Variants in PLEKHH1 observed in about 807,000 individuals in gnomAD.
The protein encoded by PLEKHH1 is pleckstrin homology, MyTH4 and FERM domain containing H1, also known as pleckstrin homology domain-containing family H member 1.
PLEKHH1 carries 104 observed loss-of-function variants against 160.0 expected under a neutral mutation model. That is an observed-to-expected ratio of 0.65 (90% CI 0.55 to 0.76). PLEKHH1 has a LOEUF of 0.76. Ranked by LOEUF, PLEKHH1 falls within the 30% of genes least tolerant of loss-of-function variation. PLEKHH1 has a pLI of 0.00. For missense variants in PLEKHH1, 1,427 were observed against 1,724.1 expected, an observed-to-expected ratio of 0.83 and a Z score of 3.05; for synonymous variants, 619 against 678.4, an observed-to-expected ratio of 0.91 and a Z score of 1.36.
At position 67,543,618 on chromosome 14, in the gene PLEKHH1, A is replaced by G. The variant is rs573441929; in HGVS notation, c.126+1625A>G. Among the ~76,000 whole-genome samples the G allele has an allele frequency of 5.3e-5, 8 of 152,260 alleles. No homozygotes were observed. In the East Asian group the frequency reaches 1.4e-3, roughly 26 times the overall value. On this transcript the variant is annotated intron_variant, in intron 2 of 28. Transcript: ENST00000329153. ...ATGTTTAACAAGCGTCCAGAAAATC[A>G]TTCTGTACACTATGAAGTTTGAGAA... is the stretch of plus-strand genomic sequence containing the variant.
At chr14:67,577,740 G>T (rs1452681877) in intron 18 of PLEKHH1, among the ~76,000 whole-genome samples, 2 of 152,162 alleles carry the variant, frequency 1.3e-5, no homozygotes, top group Non-Finnish European at 2.9e-5. Context: ...CATGTCCTTT[G>T]TGAATGTTTG....
Position 67,576,140 on chromosome 14 carries a change from T to C in PLEKHH1, c.2352+135T>C. On this transcript the variant is annotated intron_variant, in intron 16 of 28. Transcript: ENST00000329153. This position sits in a 1 kb window ranked among gnomAD's most constrained non-coding sequence, Gnocchi z 4.0. Reference sequence around the variant, plus strand: ...ACTTTGGCAACTAATATTCTCTGAATGGGAATATTCCTTTATACTGAATTT... The same window carrying C: ...ACTTTGGCAACTAATATTCTCTGAACGGGAATATTCCTTTATACTGAATTT... The C allele has an allele frequency of 2.9e-6, 2 of 701,094 alleles. No homozygotes were observed. Among genetic ancestry groups the C allele is most frequent in the Non-Finnish European group, 4.8e-6 (2 of 419,162 alleles). 43.4% of individuals were successfully genotyped at this position (701,094 alleles called of 1,614,324 possible). A position where few individuals can be genotyped will look rare whatever the true frequency, so the allele number is the denominator to read the frequency against.
At chr14:67,553,903 G>A (rs924430994) in intron 2 of PLEKHH1, among the ~76,000 whole-genome samples, 1 of 152,134 alleles carries the variant, frequency 6.6e-6, no homozygotes. Context: ...TAGTGTTACC[G>A]CAAGAGAGGA....
intron 17 of PLEKHH1, 151 bp from the exon 18 acceptor site, chr14:67,577,151 C>T: frequency 1.6e-6 from 1 of 628,734 alleles, no homozygotes; most frequent in Non-Finnish European, 2.9e-6. Flanking sequence ...CTGTACACCC[C>T]ACACTCTATG....
Position 67,580,988 on chromosome 14 carries a change from C to G in PLEKHH1, c.3234C>G (p.Pro1078=). ...AACAAGCCATGAAGGAGCTGCACCCCGGAAAGTCTGAGGGTGGGACACGCG... is the reference window on the plus strand; with the variant it reads ...AACAAGCCATGAAGGAGCTGCACCCGGGAAAGTCTGAGGGTGGGACACGCG... ...KWEQAMKELH[P]GKSEGGTRVV... is the part of the protein sequence containing the mutation. The change falls in exon 23 of 29, where the codon CCC becomes CCG. Residue 1078 remains proline (P), a synonymous_variant. Transcript: ENST00000329153. The G allele has an allele frequency of 6.2e-7, 1 of 1,613,582 alleles. No individual in the cohort carries two copies. The highest frequency in any genetic ancestry group is 8.5e-7 in the Non-Finnish European group (1 of 1,179,508).
chr14:67,581,073 A>C, intron 23 of PLEKHH1, 35 bp downstream of exon 23: 1 of 1,355,008 alleles, frequency 7.4e-7, no homozygotes, highest in Non-Finnish European at 1.1e-6. Flanking sequence ...GGCCAAACAC[A>C]AGGGCTGCCA....
intron 4 of PLEKHH1, among the ~76,000 whole-genome samples, chr14:67,558,219 C>T (rs963681123): frequency 6.6e-6 from 1 of 152,194 alleles, no homozygotes; most frequent in African/African-American, 2.4e-5. Context: ...CAGCTTTCCC[C>T]TCGTGCCAGA....
In PLEKHH1 at chr14:67,562,385, G is replaced by T; in HGVS notation, c.754G>T (p.Ala252Ser). 6.2e-7 allele frequency: 1 copy of T among 1,613,652 alleles called. No homozygotes were observed. The highest frequency in any genetic ancestry group is 8.5e-7 in the Non-Finnish European group (1 of 1,179,622). The change falls in exon 7 of 29, where the codon GCC becomes TCC. Residue 252 changes from alanine to serine, a missense_variant. By Grantham distance (99) the Ala-to-Ser change is moderately conservative. This residue lies in a region of PLEKHH1 where 831 missense variants were observed against 929.2 expected (regional missense o/e 0.89). Transcript: ENST00000329153. ...STVHSGETVE[A>S]KPLQPHLGRE... ...GGTCCATTCTGGGGAAACAGTAGAG[G>T]CCAAGCCCCTTCAACCTCATCTGGG...
intron 3 of PLEKHH1, among the ~76,000 whole-genome samples, 197 bp from the exon 4 acceptor site, chr14:67,557,072 T>C (rs1319661156): frequency 6.6e-6 from 1 of 152,156 alleles, no homozygotes; most frequent in African/African-American, 2.4e-5. Flanking sequence ...GTGGCCAAAA[T>C]GAGTTTCTTC....
intron 23 of PLEKHH1, 138 bp from the exon 24 acceptor site, chr14:67,581,931 G>A (rs1594792908): frequency 1.3e-6 from 1 of 780,676 alleles, no homozygotes; most frequent in Non-Finnish European, 2.0e-6. Flanking sequence ...TGTTTCTGGA[G>A]GCAATACAAA....
chr14:67,569,069 G>GCA, intron 7 of PLEKHH1, 69 bp from the exon 8 acceptor site: 1 of 1,079,652 alleles, frequency 9.3e-7, no homozygotes, highest in Non-Finnish European at 1.4e-6. Flanking sequence ...GCTTTTTCCT[G>GCA]CACATGCCTG....
chr14:67,579,640 C>G (rs2035795996), intron 21 of PLEKHH1, 81 bp from the exon 22 acceptor site: 8 of 1,385,322 alleles, frequency 5.8e-6, no homozygotes, highest in Non-Finnish European at 7.9e-6. Flanking sequence ...TTTCCACCTG[C>G]TGTATCCAGA....
intron 2 of PLEKHH1, among the ~76,000 whole-genome samples, chr14:67,554,149 C>G (rs182570709): frequency 6.6e-6 from 1 of 152,196 alleles, no homozygotes; most frequent in African/African-American, 2.4e-5. Flanking sequence ...GAAGGCCACC[C>G]TGAGCAAAGA....
Position 67,584,100 on chromosome 14 carries a change from T to C in PLEKHH1, c.3675T>C (p.Phe1225=), listed in dbSNP as rs1221426267. 6.2e-7 allele frequency: 1 copy of C among 1,613,884 alleles called. No homozygotes were observed. Among genetic ancestry groups the C allele is most frequent in the African/African-American group, 1.3e-5 (1 of 75,064 alleles). The part of the protein sequence containing the change: ...YLTVARKWPF[F]GAKLFAAQPA... ...CCGTGGCCAGGAAATGGCCTTTCTT[T>C]GGTGCTAAACTTTTTGCTGCTCAGG... Residue 1225 remains phenylalanine (F), a synonymous_variant, in exon 26 of 29, where the codon TTT becomes TTC. Coordinates refer to ENST00000329153, the MANE Select transcript of PLEKHH1 (RefSeq NM_020715.3).
chr14:67,557,472 G>A (rs1285029940), intron 4 of PLEKHH1, 54 bp downstream of exon 4: 2 of 1,558,520 alleles, frequency 1.3e-6, no homozygotes, highest in Non-Finnish European at 1.7e-6. Context: ...CTGTACTGCT[G>A]GCCCCCAGCT....
At chr14:67,583,120 A>C (rs1189875818) in intron 24 of PLEKHH1, among the ~76,000 whole-genome samples, 2 of 152,200 alleles carry the variant, frequency 1.3e-5, no homozygotes, top group African/African-American at 2.4e-5. Flanking sequence ...AAAAATTAAA[A>C]ATTTTTAAAA....
In PLEKHH1 at chr14:67,578,459, C is replaced by A; in HGVS notation, c.2752-75C>A. 1 of 1,085,122 alleles carries A rather than the reference C, an allele frequency of 9.2e-7. No individual in the cohort carries two copies. The highest frequency in any genetic ancestry group is 1.3e-5 in the South Asian group (1 of 75,032). The allele number at this position is 1,085,122 out of a possible 1,614,324, so 67.2% of individuals were successfully genotyped here. A position where few individuals can be genotyped will look rare whatever the true frequency, so the allele number is the denominator to read the frequency against. ...GTTTGGGGAAAGAGTGCTGAAGGCT[C>A]TGTAGCTCAGGGCTATGAGGACAGG... is the stretch of plus-strand genomic sequence containing the variant. On this transcript the variant is annotated intron_variant, in intron 19 of 28. Coordinates refer to ENST00000329153, the MANE Select transcript of PLEKHH1 (RefSeq NM_020715.3). The surrounding 1 kb of genome is among the most constrained non-coding windows in gnomAD (Gnocchi z 5.0).
rs751015963 is a variant in PLEKHH1, at chr14:67,574,284, C to G, written c.1969C>G (p.Pro657Ala). 5 of 1,608,674 alleles carry G rather than the reference C, an allele frequency of 3.1e-6. No individual in the cohort carries two copies. In the African/African-American group the frequency reaches 5.3e-5, roughly 17 times the overall value. The change falls in exon 14 of 29, where the codon CCC becomes GCC. Residue 657 changes from proline to alanine, a missense_variant. Transcript: ENST00000329153. This position sits in a 1 kb window ranked among gnomAD's most constrained non-coding sequence, Gnocchi z 4.2. Reference protein sequence around the residue: ...KKTYYLTADSPSLLEEWIRVL... With the variant: ...KKTYYLTADSASLLEEWIRVL... ...AACCTACTACCTGACGGCCGATTCA[C>G]CCAGCCTGCTGGAGGAGTGGATCCG...
rs1467418849 is a variant in PLEKHH1 at position 67,573,819 on chromosome 14, C to A, written c.1858C>A (p.Pro620Thr). The change falls in exon 13 of 29, where the codon CCT becomes ACT. Residue 620 changes from proline to threonine, a missense_variant. By Grantham distance (38) the Pro-to-Thr change is conservative. Transcript: ENST00000329153. The surrounding 1 kb of genome is among the most constrained non-coding windows in gnomAD (Gnocchi z 4.8). ...YKSPSDVIRK[P>T]QGQVDLNSRC... ...TTTACAGAGTGATGTCATCCGGAAA[C>A]CTCAAGGCCAAGTGGATCTGAACTC... 1 of 1,613,142 alleles carries A rather than the reference C, an allele frequency of 6.2e-7. No homozygotes were observed. The highest frequency in any genetic ancestry group is 1.1e-5 in the South Asian group (1 of 91,060).
Sources: allele counts gnomAD v4.1 joint callset (sites outside exome capture counted in the v4.1 genomes callset), GRCh38; gene constraint gnomAD v4.1.1; regional missense constraint gnomAD v4.1.1; non-coding constraint Gnocchi (gnomAD v3.1); transcripts MANE v1.5; gene names NCBI Gene and HGNC (gene_info 2026-07-23, HGNC 2026-07-21).